Variants in ANP32E observed in about 807,000 individuals in gnomAD.
ANP32E encodes the protein acidic nuclear phosphoprotein 32 family member E.
A neutral mutation model predicts 35.3 loss-of-function variants in ANP32E; 14 were observed. The observed-to-expected ratio is 0.40, with a 90% CI of 0.26 to 0.62. The LOEUF is 0.62. Among genes scored for constraint, ANP32E ranks in the 20% least tolerant of loss-of-function variants. The probability of loss-of-function intolerance (pLI) is 0.45; values close to 1 mark genes in which losing one functional copy is unlikely to be tolerated. For synonymous variants in ANP32E, 89 were observed against 110.4 expected (o/e 0.81, Z 1.22); for missense variants, 198 against 304.4 (o/e 0.65, Z 2.60).
chr1:150,222,025 C>T (rs1553838194), intron 6 of ANP32E, among the ~76,000 whole-genome samples: 2 of 151,494 alleles, frequency 1.3e-5, no homozygotes. Context: ...CCTGGGAGGT[C>T]GAGGCTGCAG....
At position 150,226,625 on chromosome 1, in the gene ANP32E, T is replaced by G. The variant is rs782762671; in HGVS notation, c.664A>C (p.Met222Leu). 12 of 1,613,434 alleles carry G rather than the reference T, an allele frequency of 7.4e-6. No individual in the cohort carries two copies. The South Asian group carries it at 1.2e-4, about 16-fold the overall frequency. The change falls in exon 5 of 7, where the codon ATG becomes CTG. Residue 222 changes from methionine (M) to leucine (L), a missense_variant. Physicochemically the swap from Met to Leu is conservative, Grantham distance 15. Transcript: ENST00000583931. ...GEEEVGLSYLMKEEIQDEEDD... is the reference protein window; with the variant it reads ...GEEEVGLSYLLKEEIQDEEDD... The stretch of plus-strand genomic sequence containing the variant: ...GTATTCACCTGAATTTCTTCTTTCA[T>G]TAAGTATGAGAGGCCCACTTCCTCT...
chr1:150,229,342 A>C (rs1572024264), intron 3 of ANP32E, 105 bp from the exon 4 acceptor site: 1 of 681,624 alleles, frequency 1.5e-6, no homozygotes, highest in Admixed American at 4.1e-5. Context: ...CTCTGTTGCC[A>C]GCTGGAATTC....
Position 150,235,879 on chromosome 1 carries a change from G to A in ANP32E, c.-93C>T. On this transcript the variant is annotated 5_prime_UTR_variant, in exon 1 of 7. Transcript: ENST00000583931. This position sits in a 1 kb window ranked among gnomAD's most constrained non-coding sequence, Gnocchi z 4.2. ...CAAAATTTTTAAGAGATTTAGAAATGAATGAAAAGGAACGCAAATATAAAC... is the reference window on the plus strand; with the variant it reads ...CAAAATTTTTAAGAGATTTAGAAATAAATGAAAAGGAACGCAAATATAAAC... 1.2e-6 allele frequency: 1 copy of A among 863,748 alleles called. No homozygotes were observed. Among genetic ancestry groups the A allele is most frequent in the Non-Finnish European group, 1.9e-6 (1 of 535,964 alleles). 53.5% of individuals were successfully genotyped at this position (863,748 alleles called of 1,614,324 possible).
intron 1 of ANP32E, among the ~76,000 whole-genome samples, chr1:150,233,667 C>A (rs1390699971): frequency 6.6e-6 from 1 of 152,116 alleles, no homozygotes; most frequent in Non-Finnish European, 1.5e-5. Flanking sequence ...GTTCTCTATA[C>A]CCAATGTGAA....
intron 5 of ANP32E, among the ~76,000 whole-genome samples, chr1:150,225,366 T>C (rs1648777766): frequency 6.6e-6 from 1 of 151,776 alleles, no homozygotes; most frequent in Non-Finnish European, 1.5e-5. Flanking sequence ...TCAAGGGAGA[T>C]GAAGCTGGAG....
intron 1 of ANP32E, among the ~76,000 whole-genome samples, chr1:150,233,390 T>G (rs1474976954): frequency 1.3e-5 from 2 of 152,112 alleles, no homozygotes; most frequent in African/African-American, 2.4e-5. Flanking sequence ...TTACCCTTTA[T>G]GAAGAAACGT....
At chr1:150,233,311 T>C (rs929330815) in intron 1 of ANP32E, among the ~76,000 whole-genome samples, 2 of 150,218 alleles carry the variant, frequency 1.3e-5, no homozygotes, top group Non-Finnish European at 3.0e-5. Flanking sequence ...AGAAACTGTT[T>C]AATCACTTTT....
chr1:150,229,291 C>CTTTT, intron 3 of ANP32E, 54 bp from the exon 4 acceptor site: 1 of 433,664 alleles, frequency 2.3e-6, no homozygotes, highest in South Asian at 4.1e-5. Flanking sequence ...CATGTTATTT[C>CTTTT]TTTTTTCTTT....
rs1553840980 is a variant in ANP32E at position 150,229,190 on chromosome 1, G to A, written c.375C>T (p.Ile125=). 1.2e-6 allele frequency: 2 copies of A among 1,611,508 alleles called. No homozygotes were observed. The highest frequency in any genetic ancestry group is 1.7e-6 in the Non-Finnish European group (2 of 1,178,452). The change falls in exon 4 of 7, where the codon ATC becomes ATT. Residue 125 remains isoleucine, a synonymous_variant. Coordinates refer to ENST00000583931, the MANE Select transcript of ANP32E (RefSeq NM_030920.5). The stretch of plus-strand genomic sequence containing the variant: ...TTTCTCTATAATCTTCCAGGTTTGT[G>A]ATCTCACAGTTAAACAGGTCAAGAC... The part of the protein sequence containing the change: ...LKSLDLFNCE[I]TNLEDYRESI...
chr1:150,232,343 CA>C (rs1212430232), intron 1 of ANP32E, among the ~76,000 whole-genome samples: 1 of 7,250 alleles, frequency 1.4e-4, no homozygotes, highest in African/African-American at 5.6e-4. Context: ...GACTCCGTCT[CA>C]AAAAAAAAAA....
intron 6 of ANP32E, among the ~76,000 whole-genome samples, chr1:150,222,422 AAAAAT>A (rs1198880420): frequency 5.2e-5 from 2 of 38,198 alleles, no homozygotes; most frequent in African/African-American, 6.3e-4. Context: ...CCATCTCAAA[AAAAAT>A]AAATAAATAA....
chr1:150,222,758 A>C (rs1648533233), intron 6 of ANP32E, among the ~76,000 whole-genome samples: 1 of 151,430 alleles, frequency 6.6e-6, no homozygotes, highest in Admixed American at 6.6e-5. Flanking sequence ...CCCTGTTTCA[A>C]ACAAACAAAC....
chr1:150,234,346 C>G (rs1371909195), intron 1 of ANP32E, among the ~76,000 whole-genome samples: 1 of 150,758 alleles, frequency 6.6e-6, no homozygotes, highest in African/African-American at 2.4e-5. Flanking sequence ...CTAGAAACTT[C>G]AAGTTATCTC....
rs782131158 is a variant in ANP32E at position 150,220,706 on chromosome 1, C to T, written c.792G>A (p.Glu264=). ...TTAGAATGATCTAGTCATCTTCTTC[C>T]TCTCCATCGTCTTCAGCATCTCGTT... ...KRKRDAEDDG[E]EEDD The change falls in exon 7 of 7, where the codon GAG becomes GAA. Residue 264 remains glutamate (E), a synonymous_variant. Coordinates refer to ENST00000583931, the MANE Select transcript of ANP32E (RefSeq NM_030920.5). 6.2e-7 allele frequency: 1 copy of T among 1,613,898 alleles called. No individual in the cohort carries two copies. Among genetic ancestry groups the T allele is most frequent in the Admixed American group, 1.7e-5 (1 of 59,992 alleles).
chr1:150,220,507 C>A lies in ANP32E; in HGVS notation c.*184G>T, dbSNP rs1356936072. On this transcript the variant is annotated 3_prime_UTR_variant, in exon 7 of 7. Coordinates refer to ENST00000583931, the MANE Select transcript of ANP32E (RefSeq NM_030920.5). ...GTCAATGAAAATTTTTCTCTACATACAATATGATCATTAACAGACTAGTTC... is the reference window on the plus strand; with the variant it reads ...GTCAATGAAAATTTTTCTCTACATAAAATATGATCATTAACAGACTAGTTC... 1 of 570,812 alleles carries A rather than the reference C, an allele frequency of 1.8e-6. No individual in the cohort carries two copies. The highest frequency in any genetic ancestry group is 3.1e-6 in the Non-Finnish European group (1 of 321,768). The allele number at this position is 570,812 out of a possible 1,614,324, so 35.4% of individuals were successfully genotyped here.
intron 4 of ANP32E, among the ~76,000 whole-genome samples, chr1:150,227,844 A>G (rs1295651142): frequency 6.9e-6 from 1 of 144,824 alleles, no homozygotes; most frequent in Non-Finnish European, 1.5e-5. Context: ...AATGAGCAGT[A>G]TCCTATTACT....
rs1648149607 is a variant in ANP32E, at chr1:150,219,172, T to C, written c.*1519A>G. ...TCCCAGTATAGAAGCATAACTTCAA[T>C]TAATTTGCTGACACTAACTTCTTAA... On this transcript the variant is annotated 3_prime_UTR_variant, in exon 7 of 7. Transcript: ENST00000583931. 6.6e-6 allele frequency: 1 copy of C among 152,188 alleles called. No homozygotes were observed. Among genetic ancestry groups the C allele is most frequent in the Non-Finnish European group, 1.5e-5 (1 of 68,022 alleles). 9.4% of individuals were successfully genotyped at this position (152,188 alleles called of 1,614,324 possible).
chr1:150,225,506 C>CA (rs1259323922), intron 5 of ANP32E, among the ~76,000 whole-genome samples: 3 of 150,950 alleles, frequency 2.0e-5, no homozygotes, highest in South Asian at 2.1e-4. Context: ...CCTGTCTCTA[C>CA]AAAAAAATAC....
Position 150,224,136 on chromosome 1 carries a change from G to A in ANP32E, c.682-896C>T, listed in dbSNP as rs115582327. ...AGAATACCAGTAAGCTATAAGGAGCGAAAGGAATAGATGAGATAGCAAAAA... is the reference window on the plus strand; with the variant it reads ...AGAATACCAGTAAGCTATAAGGAGCAAAAGGAATAGATGAGATAGCAAAAA... On this transcript the variant is annotated intron_variant, in intron 5 of 6. Transcript: ENST00000583931. Among the ~76,000 whole-genome samples, 760 of 152,180 alleles carry A rather than the reference G, an allele frequency of 5.0e-3. 5 individuals are homozygous for A. The highest frequency in any genetic ancestry group is 0.017 in the African/African-American group (716 of 41,516).
Sources: allele counts gnomAD v4.1 joint callset (sites outside exome capture counted in the v4.1 genomes callset), GRCh38; gene constraint gnomAD v4.1.1; non-coding constraint Gnocchi (gnomAD v3.1); transcripts MANE v1.5; gene names NCBI Gene and HGNC (gene_info 2026-07-23, HGNC 2026-07-21).